CACNA2D4: variants seen among roughly 807,000 people sequenced by gnomAD.
CACNA2D4 encodes calcium voltage-gated channel auxiliary subunit alpha2delta 4.
In CACNA2D4, 157 loss-of-function variants were observed where a neutral mutation model predicts 163.8. That is an observed-to-expected ratio of 0.96 (90% confidence interval 0.84 to 1.09). The LOEUF (loss-of-function observed/expected upper bound fraction) is 1.09, where lower values mean the gene tolerates loss of function less well. CACNA2D4 is among the 50% of genes least tolerant of loss of function. The probability of loss-of-function intolerance (pLI) is 0.00; values close to 1 mark genes in which losing one functional copy is unlikely to be tolerated. For missense variants in CACNA2D4, 1,410 were observed against 1,479.9 expected, an observed-to-expected ratio of 0.95 and a Z score of 0.78; for synonymous variants, 598 against 586.9, an observed-to-expected ratio of 1.02 and a Z score of -0.27.
rs759173333 is a variant in CACNA2D4 at position 1,884,774 on chromosome 12, G to A, written c.1266C>T (p.Asp422=). 1 of 1,611,338 alleles carries A rather than the reference G, an allele frequency of 6.2e-7. No individual in the cohort carries two copies. The highest frequency in any genetic ancestry group is 1.7e-5 in the Admixed American group (1 of 59,966). Residue 422 remains aspartate, a synonymous_variant, in exon 11 of 38, where the codon GAC becomes GAT. Coordinates refer to ENST00000382722, the MANE Select transcript of CACNA2D4 (RefSeq NM_172364.5). ...ACACCCGTGGGAGGGTCACCTTACA[G>A]TCTGGCCAGTTATACTTCTCAAACA... is the stretch of plus-strand genomic sequence containing the variant. The part of the protein sequence containing the change: ...EPVFEKYNWP[D]CKVRVFTYLI...
At chr12:1,913,170 A>G in intron 2 of CACNA2D4, 31 bp from the exon 3 acceptor site, 5 of 1,486,416 alleles carry the variant, frequency 3.4e-6, no homozygotes, top group Non-Finnish European at 3.8e-6. Context: ...AGATGCGTGC[A>G]TGTGGTTTTG....
intron 11 of CACNA2D4, among the ~76,000 whole-genome samples, 181 bp downstream of exon 11, chr12:1,884,587 C>A (rs775855905): frequency 2.0e-5 from 3 of 152,114 alleles, no homozygotes; most frequent in Non-Finnish European, 2.9e-5. Flanking sequence ...CTACATCAGG[C>A]CTCTGTGTCT....
At chr12:1,910,005 A>C in intron 3 of CACNA2D4, 40 bp from the exon 4 acceptor site, 2 of 1,569,866 alleles carry the variant, frequency 1.3e-6, no homozygotes, top group Non-Finnish European at 1.8e-6. Flanking sequence ...AATGGGTAAA[A>C]GGAGCCCAGT....
At chr12:1,873,284 G>C (rs760854944) in intron 18 of CACNA2D4, among the ~76,000 whole-genome samples, 1 of 152,100 alleles carries the variant, frequency 6.6e-6, no homozygotes, top group Non-Finnish European at 1.5e-5. Context: ...TGAAGCACCC[G>C]TATATCAGGA....
Position 1,801,044 on chromosome 12 carries a change from C to T in CACNA2D4, c.2867G>A (p.Ser956Asn). The change falls in exon 31 of 38, where the codon AGC (serine) becomes AAC (asparagine). Residue 956 changes from serine to asparagine, a missense_variant and splice_region_variant. By Grantham distance (46) the Ser-to-Asn change is conservative. Coordinates refer to ENST00000382722, the MANE Select transcript of CACNA2D4 (RefSeq NM_172364.5). ...HHHSAAQPLV[S>N]PISAFLTATR... is the part of the protein sequence containing the mutation. ...AGGGAAGGGCTGGGTGACACTCACG[C>T]TGACCAGGGGCTGGGCTGCACTGTG... 6.2e-7 allele frequency: 1 copy of T among 1,612,968 alleles called. No homozygotes were observed. Among genetic ancestry groups the T allele is most frequent in the South Asian group, 1.1e-5 (1 of 91,046 alleles).
At chr12:1,861,913 C>T (rs1865533566) in intron 18 of CACNA2D4, among the ~76,000 whole-genome samples, 1 of 152,260 alleles carries the variant, frequency 6.6e-6, no homozygotes, top group African/African-American at 2.4e-5. Flanking sequence ...CACTCCTTCA[C>T]AGGCAAACTC....
At chr12:1,911,923 GT>G (rs1866831146) in intron 3 of CACNA2D4, among the ~76,000 whole-genome samples, 1 of 152,234 alleles carries the variant, frequency 6.6e-6, no homozygotes, top group Admixed American at 6.5e-5. Context: ...GCTGTGGTGT[GT>G]GATTCAGGGA....
At chr12:1,863,655 T>C (rs1342039940) in intron 18 of CACNA2D4, among the ~76,000 whole-genome samples, 1 of 152,232 alleles carries the variant, frequency 6.6e-6, no homozygotes, top group African/African-American at 2.4e-5. Flanking sequence ...AATTTATTCC[T>C]AAGTATTTTA....
At chr12:1,831,015 C>T in intron 26 of CACNA2D4, 6 of 1,614,150 alleles carry the variant, frequency 3.7e-6, no homozygotes, top group Non-Finnish European at 5.1e-6. Context: ...CAGCCGCAGC[C>T]TGGAGGTGGA....
chr12:1,827,263 G>C (rs1414809076), intron 26 of CACNA2D4: 1 of 136,464 alleles, frequency 7.3e-6, no homozygotes, highest in East Asian at 2.4e-4. Flanking sequence ...CTGTGTCCCA[G>C]TTGGGAGACA....
intron 7 of CACNA2D4, 149 bp from the exon 8 acceptor site, chr12:1,886,522 C>G (rs979944154): frequency 1.4e-6 from 1 of 716,416 alleles, no homozygotes; most frequent in South Asian, 1.9e-5. Flanking sequence ...TTCACATGTT[C>G]CATAACCACT....
At chr12:1,891,726 G>A (rs569107351) in intron 6 of CACNA2D4, among the ~76,000 whole-genome samples, 5 of 151,928 alleles carry the variant, frequency 3.3e-5, no homozygotes, top group Non-Finnish European at 7.4e-5. Flanking sequence ...TAAGAAGATA[G>A]ATATCATTAC....
chr12:1,909,398 G>T (rs901625843), intron 4 of CACNA2D4, among the ~76,000 whole-genome samples: 4 of 152,186 alleles, frequency 2.6e-5, no homozygotes, highest in Non-Finnish European at 5.9e-5. Flanking sequence ...GTTTCACCGT[G>T]TTAGCCAGGA....
chr12:1,826,058 G>A (rs534525924), intron 26 of CACNA2D4, among the ~76,000 whole-genome samples: 2 of 152,148 alleles, frequency 1.3e-5, no homozygotes, highest in African/African-American at 4.8e-5. Flanking sequence ...CAGGCCCGGG[G>A]TGCTCAGGAA....
intron 26 of CACNA2D4, chr12:1,831,151 A>G (rs1431266596): frequency 6.2e-7 from 1 of 1,614,046 alleles, no homozygotes; most frequent in Non-Finnish European, 8.5e-7. Context: ...TCCAGCCTGC[A>G]GCGGTTGGAC....
intron 20 of CACNA2D4, 127 bp downstream of exon 20, chr12:1,858,450 G>C: frequency 1.3e-6 from 1 of 771,966 alleles, no homozygotes; most frequent in Admixed American, 2.1e-5. Context: ...GTTCTGAGAG[G>C]CTGCTCTGGA....
chr12:1,828,647 G>A lies in CACNA2D4; in HGVS notation c.2551+12092C>T, dbSNP rs536205168. Among the ~76,000 whole-genome samples the A allele has an allele frequency of 2.0e-5, 3 of 152,320 alleles. No homozygotes were observed. The highest frequency in any genetic ancestry group is 2.1e-4 in the South Asian group (1 of 4,832). On this transcript the variant is annotated intron_variant, in intron 26 of 37. Transcript: ENST00000382722. The surrounding 1 kb of genome is among the most constrained non-coding windows in gnomAD (Gnocchi z 4.2). Reference sequence around the variant, plus strand: ...GGAACTGCCCCCTTGGCTGGCCTCGGCCAGGAGCTGGGTCAGCTTGGAGAT... The same window carrying A: ...GGAACTGCCCCCTTGGCTGGCCTCGACCAGGAGCTGGGTCAGCTTGGAGAT...
At chr12:1,807,947 A>G (rs936163736) in intron 29 of CACNA2D4, among the ~76,000 whole-genome samples, 3 of 152,230 alleles carry the variant, frequency 2.0e-5, no homozygotes, top group African/African-American at 7.2e-5. Context: ...GTAAAAAGGT[A>G]ATAGAATCAT....
intron 26 of CACNA2D4, chr12:1,831,106 TGA>T (rs1864605682): frequency 6.2e-7 from 1 of 1,613,886 alleles, no homozygotes; most frequent in Admixed American, 1.7e-5. Context: ...AACAATAAGC[TGA>T]GTGCCCTGCC....
Sources: gnomAD v4.1 joint callset for allele counts (sites outside exome capture counted in the v4.1 genomes callset) on GRCh38, gnomAD v4.1.1 for gene constraint, Gnocchi (gnomAD v3.1) non-coding constraint, MANE v1.5 for transcripts, NCBI Gene and HGNC (gene_info 2026-07-23, HGNC 2026-07-21) for gene names.